Variants in CES5A observed in about 807,000 individuals in gnomAD.
CES5A encodes carboxylesterase 5A.
A neutral mutation model predicts 62.9 loss-of-function variants in CES5A; 67 were observed. That is an observed-to-expected ratio of 1.07 (90% CI 0.88 to 1.31). The LOEUF (loss-of-function observed/expected upper bound fraction) is 1.31, where lower values mean the gene tolerates loss of function less well. CES5A is among the 50% of genes most tolerant of loss of function. The pLI, the probability that CES5A is intolerant of heterozygous loss-of-function variation, is 0.00. For missense variants in CES5A, 748 were observed against 708.5 expected (o/e 1.06, Z -0.63); for synonymous variants, 296 against 280.8 (o/e 1.05, Z -0.54).
chr16:55,951,707 A>G (rs2034559357), intron 1 of CES5A, among the ~76,000 whole-genome samples: 1 of 152,194 alleles, frequency 6.6e-6, no homozygotes, highest in Non-Finnish European at 1.5e-5. Context: ...AGGGGGATGG[A>G]GTATCCATGT....
At chr16:55,850,623 A>T (rs1364255235) in intron 10 of CES5A, among the ~76,000 whole-genome samples, 2 of 152,254 alleles carry the variant, frequency 1.3e-5, no homozygotes, top group African/African-American at 4.8e-5. Context: ...TTATCGATTC[A>T]TCAGTTGATG....
intron 2 of CES5A, among the ~76,000 whole-genome samples, chr16:55,946,121 G>A (rs879786690): frequency 2.0e-5 from 3 of 152,132 alleles, no homozygotes; most frequent in Non-Finnish European, 4.4e-5. Context: ...TCTTTTCATC[G>A]GGTTAGAAAG....
chr16:55,946,174 C>T (rs1279238734), intron 2 of CES5A, among the ~76,000 whole-genome samples: 1 of 152,092 alleles, frequency 6.6e-6, no homozygotes, highest in Non-Finnish European at 1.5e-5. Context: ...ATATGCAAAC[C>T]AGGATGTTTT....
chr16:55,856,289 GC>G, intron 9 of CES5A, 87 bp downstream of exon 9: 1 of 1,149,814 alleles, frequency 8.7e-7, no homozygotes, highest in East Asian at 2.3e-5. Context: ...GAGTGTCTGT[GC>G]CCTTGGCTTC....
intron 10 of CES5A, 140 bp from the exon 11 acceptor site, chr16:55,849,913 T>A: frequency 2.3e-6 from 2 of 854,620 alleles, no homozygotes; most frequent in Non-Finnish European, 3.5e-6. Context: ...CCTTCCTCAT[T>A]TGAGGCTGGA....
chr16:55,930,098 G>A (rs1450103706), upstream of CES5A, among the ~76,000 whole-genome samples: 8 of 152,008 alleles, frequency 5.3e-5, no homozygotes, highest in Admixed American at 1.3e-4. Flanking sequence ...ACACACCCAC[G>A]TAGCCATAAA....
chr16:55,934,822 A>G (rs1165735648), intron 2 of CES5A, among the ~76,000 whole-genome samples: 2 of 152,238 alleles, frequency 1.3e-5, no homozygotes, highest in Non-Finnish European at 2.9e-5. Context: ...GCCCATGTGT[A>G]GCTCCAGTCT....
At chr16:55,946,227 G>C (rs957910351) in intron 2 of CES5A, among the ~76,000 whole-genome samples, 5 of 152,132 alleles carry the variant, frequency 3.3e-5, no homozygotes, top group African/African-American at 1.2e-4. Context: ...CATTTGGAAG[G>C]TGTAATGTTC....
At chr16:55,850,573 GC>G (rs1555478795) in intron 10 of CES5A, among the ~76,000 whole-genome samples, 1 of 152,084 alleles carries the variant, frequency 6.6e-6, no homozygotes, top group Non-Finnish European at 1.5e-5. Context: ...TCTTTTTATG[GC>G]AAAATGATAA....
At chr16:55,886,137 G>C (rs1467179717) in intron 1 of CES5A, among the ~76,000 whole-genome samples, 1 of 152,182 alleles carries the variant, frequency 6.6e-6, no homozygotes, top group Non-Finnish European at 1.5e-5. Flanking sequence ...TTACATACCA[G>C]CCACTCTCAG....
chr16:55,861,369 C>G (rs368123379), intron 7 of CES5A, 43 bp downstream of exon 7: 9 of 1,097,746 alleles, frequency 8.2e-6, no homozygotes, highest in African/African-American at 1.6e-5. Flanking sequence ...TCTCTCCGTT[C>G]GAAGGGCAAG....
At chr16:55,849,405 T>G (rs2142381395) in intron 11 of CES5A, among the ~76,000 whole-genome samples, 1 of 151,866 alleles carries the variant, frequency 6.6e-6, no homozygotes, top group South Asian at 2.1e-4. Context: ...AACCTGTAGG[T>G]TTCAGTACAA....
chr16:55,934,893 C>T (rs1367870244), intron 2 of CES5A, among the ~76,000 whole-genome samples: 1 of 152,100 alleles, frequency 6.6e-6, no homozygotes, highest in Non-Finnish European at 1.5e-5. Flanking sequence ...AGTTGGCAGC[C>T]TAGAGACCCA....
rs1002110483 is a variant in CES5A, at chr16:55,892,139, A to G, written c.-255-18102T>C. 5.3e-5 allele frequency among the ~76,000 whole-genome samples: 8 copies of G among 152,150 alleles called. 1 individual carries two copies. Among genetic ancestry groups the G allele is most frequent in the Admixed American group, 2.0e-4 (3 of 15,278 alleles). On this transcript the variant is annotated intron_variant, in intron 1 of 12. Transcript: ENST00000518005. ...CTTCAAAAGAAACTTGGTCTCCACA[A>G]TCTTTTATCTTAACCTGAACATTTC... is the stretch of plus-strand genomic sequence containing the variant.
chr16:55,871,529 G>T lies in CES5A; in HGVS notation c.417+96C>A, dbSNP rs949688347. Reference sequence around the variant, plus strand: ...ATTACATTTCCCTTTTACCCAACAGGGGGTAGTTCCAATTCCAGACATGTA... The same window carrying T: ...ATTACATTTCCCTTTTACCCAACAGTGGGTAGTTCCAATTCCAGACATGTA... On this transcript the variant is annotated intron_variant, in intron 3 of 12. Transcript: ENST00000290567. The T allele has an allele frequency of 2.9e-6, 4 of 1,374,960 alleles. No homozygotes were observed. In the African/African-American group the frequency reaches 4.4e-5, roughly 15 times the overall value. 85.2% of individuals were successfully genotyped at this position (1,374,960 alleles called of 1,614,324 possible).
At chr16:55,945,186 T>G (rs549241958) in intron 2 of CES5A, among the ~76,000 whole-genome samples, 1 of 149,950 alleles carries the variant, frequency 6.7e-6, no homozygotes, top group Non-Finnish European at 1.5e-5. Flanking sequence ...CATTATCTGA[T>G]TTAATGCCCA....
At chr16:55,858,823 G>A (rs1181812280) in intron 8 of CES5A, among the ~76,000 whole-genome samples, 4 of 152,148 alleles carry the variant, frequency 2.6e-5, no homozygotes, top group Non-Finnish European at 4.4e-5. Context: ...CCTATGCCAC[G>A]GAATCAAAAA....
At chr16:55,921,879 G>A (rs756821405) in intron 1 of CES5A, among the ~76,000 whole-genome samples, 8 of 151,924 alleles carry the variant, frequency 5.3e-5, no homozygotes, top group Non-Finnish European at 4.4e-5. Flanking sequence ...GTCAAAATGG[G>A]AGAGGAAGTG....
At chr16:55,901,567 C>G (rs1202586668) in intron 1 of CES5A, among the ~76,000 whole-genome samples, 2 of 152,216 alleles carry the variant, frequency 1.3e-5, no homozygotes, top group African/African-American at 4.8e-5. Flanking sequence ...AGAAAGCCTT[C>G]CCCTTACAAA....
Sources: allele counts gnomAD v4.1 joint callset (sites outside exome capture counted in the v4.1 genomes callset), GRCh38; gene constraint gnomAD v4.1.1; transcripts MANE v1.5; gene names NCBI Gene and HGNC (gene_info 2026-07-23, HGNC 2026-07-21).